CFAP44: variants seen among roughly 807,000 people sequenced by gnomAD.
CFAP44 encodes the protein cilia- and flagella-associated protein 44.
Under a neutral mutation model 216.2 loss-of-function variants are expected in CFAP44, and 134 were observed. That is an observed-to-expected ratio of 0.62 (90% CI 0.54 to 0.72). The LOEUF is 0.72. Among genes scored for constraint, CFAP44 ranks in the 30% least tolerant of loss-of-function variants. CFAP44 has a pLI of 0.00. For synonymous variants in CFAP44, 700 were observed against 727.6 expected, an observed-to-expected ratio of 0.96 and a Z score of 0.61; for missense variants, 2,035 against 2,182.1, an observed-to-expected ratio of 0.93 and a Z score of 1.34.
rs754947400 is a variant in CFAP44, at chr3:113,426,222, C to T, written c.309G>A (p.Lys103=). Residue 103 remains lysine (K), a synonymous_variant, in exon 4 of 35, where the codon AAG becomes AAA. Transcript: ENST00000393845. ...AVEEAEEEVK[K]KISESFFYDY... ...CATAGAAGAAGCTCTCTGATATTTT[C>T]TTCTTAACTTCCTCCTCTGCTTCTT... The T allele has an allele frequency of 1.9e-6, 3 of 1,614,162 alleles. No individual in the cohort carries two copies. In the Admixed American group the frequency reaches 5.0e-5, roughly 27 times the overall value.
intron 28 of CFAP44, among the ~76,000 whole-genome samples, chr3:113,320,121 G>GC (rs1031712621): frequency 6.6e-6 from 1 of 151,938 alleles, no homozygotes; most frequent in Non-Finnish European, 1.5e-5. Context: ...ATGAAAAAAA[G>GC]CCCTGCATCA....
chr3:113,317,539 T>C (rs1013649277), intron 28 of CFAP44, among the ~76,000 whole-genome samples: 3 of 152,194 alleles, frequency 2.0e-5, no homozygotes, highest in African/African-American at 4.8e-5. Flanking sequence ...TTGCTGCACC[T>C]GAGTAGTTTC....
At chr3:113,343,613 G>A (rs1326095434) in intron 23 of CFAP44, among the ~76,000 whole-genome samples, 1 of 152,166 alleles carries the variant, frequency 6.6e-6, no homozygotes, top group Non-Finnish European at 1.5e-5. Context: ...AGACAGGAGA[G>A]AAGTGAAGAG....
intron 22 of CFAP44, among the ~76,000 whole-genome samples, chr3:113,349,426 C>T (rs1002457488): frequency 1.3e-5 from 2 of 152,126 alleles, no homozygotes; most frequent in Non-Finnish European, 2.9e-5. Context: ...AAAGGAAAAG[C>T]GAGATCAGAG....
chr3:113,399,679 CTG>C (rs1338173853), intron 13 of CFAP44, among the ~76,000 whole-genome samples: 2 of 152,132 alleles, frequency 1.3e-5, no homozygotes, highest in Non-Finnish European at 2.9e-5. Context: ...CAACATGAAA[CTG>C]TTACAAATCT....
chr3:113,297,176 G>A (rs1949889912), intron 32 of CFAP44, among the ~76,000 whole-genome samples: 1 of 151,888 alleles, frequency 6.6e-6, no homozygotes, highest in African/African-American at 2.4e-5. Context: ...ACTAGATTAT[G>A]AGCTTGTCAG....
At chr3:113,392,913 C>T (rs1933883518) in intron 15 of CFAP44, among the ~76,000 whole-genome samples, 1 of 152,190 alleles carries the variant, frequency 6.6e-6, no homozygotes, top group Non-Finnish European at 1.5e-5. Flanking sequence ...CTTGTCTGCA[C>T]AGTCTTTCAT....
In CFAP44 at chr3:113,363,230, T is replaced by G. The variant is rs770973736; in HGVS notation, c.2849A>C (p.Glu950Ala). Residue 950 changes from glutamate to alanine, a missense_variant, in exon 21 of 35, where the codon GAG becomes GCG. By Grantham distance (107) the Glu-to-Ala change is moderately radical (BLOSUM62 -1). Transcript: ENST00000393845. ...EVGEIKARKR[E>A]QIKALRSEFC... ...TTCACTCCTCAAAGCTTTGATTTGCTCTCTCTTCCGTGCCTTTATTTCTCC... is the reference window on the plus strand; with the variant it reads ...TTCACTCCTCAAAGCTTTGATTTGCGCTCTCTTCCGTGCCTTTATTTCTCC... 5 of 1,613,478 alleles carry G rather than the reference T, an allele frequency of 3.1e-6. No homozygotes were observed. The highest frequency in any genetic ancestry group is 1.6e-4 in the Middle Eastern group (1 of 6,080).
chr3:113,304,467 CTTG>C (rs1016737981), intron 31 of CFAP44, among the ~76,000 whole-genome samples: 13 of 152,280 alleles, frequency 8.5e-5, no homozygotes, highest in East Asian at 3.9e-4. Context: ...TAAGGCTGAT[CTTG>C]TTGTTGTTGT....
At position 113,294,659 on chromosome 3, in the gene CFAP44, A is replaced by G; in HGVS notation, c.5373+28T>C. ...CTTTGACAGAGCTTCCTCAATTCCG[A>G]AAAAGGGTCTGAAGGTAAAGAACAT... On this transcript the variant is annotated intron_variant, in intron 34 of 34. Transcript: ENST00000393845. The G allele has an allele frequency of 2.0e-6, 3 of 1,491,896 alleles. No individual in the cohort carries two copies. The South Asian group carries it at 4.0e-5, about 20-fold the overall frequency. 92.4% of individuals were successfully genotyped at this position (1,491,896 alleles called of 1,614,324 possible). A position where few individuals can be genotyped will look rare whatever the true frequency, so the allele number is the denominator to read the frequency against.
intron 6 of CFAP44, among the ~76,000 whole-genome samples, chr3:113,409,683 G>A (rs1355843443): frequency 1.3e-5 from 2 of 152,122 alleles, no homozygotes; most frequent in Non-Finnish European, 2.9e-5. Context: ...GACCTACTGG[G>A]CTGCATTCCC....
intron 28 of CFAP44, among the ~76,000 whole-genome samples, chr3:113,311,564 T>C (rs1950038616): frequency 6.6e-6 from 1 of 152,168 alleles, no homozygotes; most frequent in Non-Finnish European, 1.5e-5. Flanking sequence ...CAATTAAACC[T>C]CTTTTTCTTC....
intron 25 of CFAP44, among the ~76,000 whole-genome samples, chr3:113,333,157 G>GT (rs1206703375): frequency 7.2e-5 from 11 of 152,092 alleles, no homozygotes; most frequent in African/African-American, 2.4e-4. Context: ...CAGATATACT[G>GT]TAAGTATTTG....
chr3:113,435,153 T>C (rs1576612353), intron 1 of CFAP44, among the ~76,000 whole-genome samples: 1 of 151,170 alleles, frequency 6.6e-6, no homozygotes, highest in Admixed American at 6.6e-5. Flanking sequence ...AGACCAGGAG[T>C]TCAAGACCAA....
chr3:113,294,921 C>A (rs1243510884), intron 33 of CFAP44, 100 bp from the exon 34 acceptor site: 4 of 1,308,120 alleles, frequency 3.1e-6, no homozygotes, highest in Non-Finnish European at 4.0e-6. Flanking sequence ...GCAAATGGAG[C>A]AATGTGCCCA....
At chr3:113,383,084 T>C (rs933789077) in intron 15 of CFAP44, among the ~76,000 whole-genome samples, 4 of 152,222 alleles carry the variant, frequency 2.6e-5, no homozygotes, top group Non-Finnish European at 5.9e-5. Context: ...TATAAAGTAG[T>C]TGGGGAAATT....
chr3:113,409,256 C>T lies in CFAP44; in HGVS notation c.740G>A (p.Gly247Asp). 1.2e-6 allele frequency: 2 copies of T among 1,614,116 alleles called. No homozygotes were observed. Among genetic ancestry groups the T allele is most frequent in the Non-Finnish European group, 8.5e-7 (1 of 1,180,016 alleles). ...AGTCAGTGTGTAGTCAGGGTTACTA[C>T]CAACAGAGGCCAGCAAGTTACCGCT... Reference protein sequence around the residue: ...NYSGNLLASVGSNPDYTLTIW... With the variant: ...NYSGNLLASVDSNPDYTLTIW... Residue 247 changes from glycine (G) to aspartate (D), a missense_variant, in exon 7 of 35, where the codon GGT becomes GAT. This residue lies in a region of CFAP44 where 1,883 missense variants were observed against 2,023.7 expected (regional missense o/e 0.93). Coordinates refer to ENST00000393845, the MANE Select transcript of CFAP44 (RefSeq NM_001164496.2).
chr3:113,425,839 C>T (rs1282450375), intron 4 of CFAP44: 2 of 279,702 alleles, frequency 7.2e-6, no homozygotes, highest in Non-Finnish European at 1.3e-5. Context: ...CTTAGAATTA[C>T]CTAATATGGG....
intron 24 of CFAP44, among the ~76,000 whole-genome samples, chr3:113,335,421 A>G (rs914563457): frequency 6.6e-6 from 1 of 152,200 alleles, no homozygotes; most frequent in East Asian, 1.9e-4. Flanking sequence ...TGTGGAAAAG[A>G]ATATCAGAGG....
Sources: allele counts gnomAD v4.1 joint callset (sites outside exome capture counted in the v4.1 genomes callset), GRCh38; gene constraint gnomAD v4.1.1; regional missense constraint gnomAD v4.1.1; transcripts MANE v1.5; gene names NCBI Gene and HGNC (gene_info 2026-07-23, HGNC 2026-07-21).